CHP1: variants seen among roughly 807,000 people sequenced by gnomAD.
CHP1 encodes calcineurin like EF-hand protein 1, also known as calcineurin B homologous protein 1.
CHP1 carries 11 observed loss-of-function variants against 27.4 expected under a neutral mutation model. The ratio of observed to expected loss-of-function variants is 0.40; its 90% CI spans 0.25 to 0.67. The LOEUF (loss-of-function observed/expected upper bound fraction) is 0.67. Ranked by LOEUF, CHP1 falls within the 30% of genes least tolerant of loss-of-function variation. The pLI is 0.38. For missense variants in CHP1, 169 were observed against 251.3 expected, an observed-to-expected ratio of 0.67 and a Z score of 2.22; for synonymous variants, 89 against 87.4, an observed-to-expected ratio of 1.02 and a Z score of -0.10.
At chr15:41,253,205 G>T (rs1435941987) in intron 2 of CHP1, among the ~76,000 whole-genome samples, 3 of 151,746 alleles carry the variant, frequency 2.0e-5, no homozygotes, top group African/African-American at 7.3e-5. Flanking sequence ...CCAAAGTGCT[G>T]GGATTACAGG....
intron 4 of CHP1, among the ~76,000 whole-genome samples, chr15:41,268,641 CA>C (rs781241008): frequency 1.3e-3 from 163 of 128,792 alleles, no homozygotes; most frequent in Admixed American, 1.3e-3. Flanking sequence ...GACTCCATCT[CA>C]AAAAAAAAAA....
At chr15:41,246,608 G>A (rs1449794562) in intron 2 of CHP1, among the ~76,000 whole-genome samples, 7 of 144,262 alleles carry the variant, frequency 4.9e-5, no homozygotes, top group Non-Finnish European at 9.0e-5. Flanking sequence ...GCGAGCCACC[G>A]TGCCTGGCCA....
chr15:41,275,930 T>C (rs1271886743), intron 5 of CHP1, among the ~76,000 whole-genome samples: 3 of 151,962 alleles, frequency 2.0e-5, no homozygotes, highest in African/African-American at 7.3e-5. Flanking sequence ...GCCCGGCCCA[T>C]GAAATCGATT....
At chr15:41,265,386 A>AC (rs2047454994) in intron 4 of CHP1, among the ~76,000 whole-genome samples, 3 of 146,124 alleles carry the variant, frequency 2.1e-5, no homozygotes, top group Admixed American at 2.0e-4. Context: ...AAAAAAAAAA[A>AC]AAAAAAAAAG....
At chr15:41,236,056 T>G (rs1408634886) in intron 1 of CHP1, among the ~76,000 whole-genome samples, 1 of 150,924 alleles carries the variant, frequency 6.6e-6, no homozygotes, top group Admixed American at 6.6e-5. Flanking sequence ...AGAGAGGGCA[T>G]TGTGGGAAAG....
chr15:41,252,315 C>T (rs1485160699), intron 2 of CHP1, among the ~76,000 whole-genome samples: 2 of 151,612 alleles, frequency 1.3e-5, no homozygotes, highest in Non-Finnish European at 1.5e-5. Flanking sequence ...ATTACAGGCA[C>T]CCGCCACCAC....
intron 1 of CHP1, among the ~76,000 whole-genome samples, chr15:41,238,794 G>T (rs935028387): frequency 6.6e-6 from 1 of 152,048 alleles, no homozygotes; most frequent in Non-Finnish European, 1.5e-5. Context: ...AGAGTTTGCA[G>T]TGAGCCAAGA....
Position 41,281,647 on chromosome 15 carries a change from A to G in CHP1, c.*2258A>G, listed in dbSNP as rs921219279. 2.6e-5 allele frequency: 4 copies of G among 152,680 alleles called. No homozygotes were observed. Among genetic ancestry groups the G allele is most frequent in the African/African-American group, 9.6e-5 (4 of 41,468 alleles). The allele number at this position is 152,680 out of a possible 1,614,324, so 9.5% of individuals were successfully genotyped here. A position where few individuals can be genotyped will look rare whatever the true frequency, so the allele number is the denominator to read the frequency against. On this transcript the variant is annotated 3_prime_UTR_variant, in exon 7 of 7. Coordinates refer to ENST00000334660, the MANE Select transcript of CHP1 (RefSeq NM_007236.5). ...ATGAATGAGGAATTCTTTATGAAGT[A>G]TCAGTCAGATTTTATGATTAAGTGA... is the stretch of plus-strand genomic sequence containing the variant.
intron 1 of CHP1, among the ~76,000 whole-genome samples, chr15:41,240,079 C>T (rs982608785): frequency 2.3e-4 from 35 of 152,266 alleles, no homozygotes; most frequent in African/African-American, 7.5e-4. Context: ...TGAGCCACCA[C>T]GCCCAGCCTC....
chr15:41,253,590 G>A (rs2047382267), intron 2 of CHP1, among the ~76,000 whole-genome samples: 1 of 151,616 alleles, frequency 6.6e-6, no homozygotes, highest in Non-Finnish European at 1.5e-5. Context: ...GAGTAGCTGG[G>A]ACTACAGGTG....
intron 1 of CHP1, among the ~76,000 whole-genome samples, chr15:41,235,519 C>CA (rs917805924): frequency 2.3e-4 from 34 of 149,338 alleles, no homozygotes; most frequent in South Asian, 8.5e-4. Flanking sequence ...GACCCTGTCT[C>CA]AAAAAAAAAC....
rs1435757588 is a variant in CHP1 at position 41,275,952 on chromosome 15, A to C, written c.412-2815A>C. Among the ~76,000 whole-genome samples, 3 of 152,116 alleles carry C rather than the reference A, an allele frequency of 2.0e-5. No homozygotes were observed. The East Asian group carries it at 5.8e-4, about 29-fold the overall frequency. The stretch of plus-strand genomic sequence containing the variant: ...CCATGAAATCGATTTTTAAAAAGTA[A>C]ATTACAGGCCGGGCGCAGTGGCTCA... On this transcript the variant is annotated intron_variant, in intron 5 of 6. Transcript: ENST00000334660.
intron 5 of CHP1, among the ~76,000 whole-genome samples, chr15:41,278,213 A>C (rs2140945325): frequency 6.6e-6 from 1 of 151,602 alleles, no homozygotes; most frequent in Admixed American, 6.6e-5. Flanking sequence ...GGCGCCTGTA[A>C]TCCTAGCTAC....
chr15:41,253,412 CA>C (rs2047380678), intron 2 of CHP1, among the ~76,000 whole-genome samples: 1 of 149,472 alleles, frequency 6.7e-6, no homozygotes, highest in Non-Finnish European at 1.5e-5. Context: ...ATTTATTTAA[CA>C]GTTGACAAAG....
At chr15:41,257,338 A>T (rs940407966) in intron 3 of CHP1, among the ~76,000 whole-genome samples, 1 of 152,334 alleles carries the variant, frequency 6.6e-6, no homozygotes, top group East Asian at 1.9e-4. Context: ...GCCCTGATGC[A>T]TCTACTGTTA....
chr15:41,264,210 A>G, intron 4 of CHP1: 1 of 1,287,512 alleles, frequency 7.8e-7, no homozygotes, highest in Non-Finnish European at 1.0e-6. Context: ...ACTGAAATTG[A>G]GCAACACTCC....
At chr15:41,244,319 G>A (rs2047322623) in intron 2 of CHP1, among the ~76,000 whole-genome samples, 1 of 151,836 alleles carries the variant, frequency 6.6e-6, no homozygotes, top group Non-Finnish European at 1.5e-5. Flanking sequence ...GTATTTTTAA[G>A]ATTTCAGCTC....
chr15:41,267,274 C>A (rs2047466261), intron 4 of CHP1, among the ~76,000 whole-genome samples: 1 of 151,834 alleles, frequency 6.6e-6, no homozygotes, highest in Admixed American at 6.6e-5. Context: ...GGTGGTGATG[C>A]TTGCACAACA....
rs1176367237 is a variant in CHP1, at chr15:41,256,985, A to G, written c.216A>G (p.Pro72=). The part of the protein sequence containing the change: ...LGDRIINAFF[P]EGEDQVNFRG... The stretch of plus-strand genomic sequence containing the variant: ...ACCGGATCATCAATGCCTTCTTTCC[A>G]GAGGGGTGAGTCAGTACAGTTGTTG... The change falls in exon 3 of 7, where the codon CCA becomes CCG. Residue 72 remains proline (P), a synonymous_variant. Transcript: ENST00000334660. The G allele has an allele frequency of 6.2e-7, 1 of 1,613,274 alleles. No individual in the cohort carries two copies. Among genetic ancestry groups the G allele is most frequent in the Non-Finnish European group, 8.5e-7 (1 of 1,179,344 alleles).
Sources: gnomAD v4.1 joint callset for allele counts (sites outside exome capture counted in the v4.1 genomes callset) on GRCh38, gnomAD v4.1.1 for gene constraint, MANE v1.5 for transcripts, NCBI Gene and HGNC (gene_info 2026-07-23, HGNC 2026-07-21) for gene names.